Variants in INPP4B observed in about 807,000 individuals in gnomAD.
INPP4B encodes inositol polyphosphate 4-phosphatase type II.
A neutral mutation model predicts 122.5 loss-of-function variants in INPP4B; 55 were observed. The ratio of observed to expected loss-of-function variants is 0.45; its 90% CI spans 0.36 to 0.56. INPP4B has a LOEUF of 0.56. Ranked by LOEUF, INPP4B falls within the 20% of genes least tolerant of loss-of-function variation. The pLI is 0.00. For missense variants in INPP4B, 1,000 were observed against 1,097.7 expected (o/e 0.91, Z 1.26); for synonymous variants, 403 against 388.7 (o/e 1.04, Z -0.43).
chr4:142,076,479 G>A (rs1213981121), intron 25 of INPP4B, among the ~76,000 whole-genome samples: 1 of 151,978 alleles, frequency 6.6e-6, no homozygotes, highest in Admixed American at 6.6e-5. Flanking sequence ...TAATAACCCT[G>A]AGATGAAGGT....
intron 2 of INPP4B, among the ~76,000 whole-genome samples, chr4:142,505,871 C>G (rs1823959339): frequency 6.6e-6 from 1 of 152,070 alleles, no homozygotes; most frequent in Non-Finnish European, 1.5e-5. Flanking sequence ...CTCCTATACC[C>G]AGATATTGTA....
At chr4:142,573,595 C>T (rs1328530491) in intron 2 of INPP4B, among the ~76,000 whole-genome samples, 1 of 152,030 alleles carries the variant, frequency 6.6e-6, no homozygotes, top group Non-Finnish European at 1.5e-5. Context: ...AGCTTCCCAC[C>T]CTCAAATTCC....
chr4:142,114,575 G>A lies in INPP4B; in HGVS notation c.2136-1893C>T, dbSNP rs574487236. 4.6e-5 allele frequency among the ~76,000 whole-genome samples: 7 copies of A among 151,960 alleles called. No homozygotes were observed. The South Asian group carries it at 1.2e-3, about 27-fold the overall frequency. On this transcript the variant is annotated intron_variant, in intron 21 of 25. Coordinates refer to ENST00000262992, the MANE Select transcript of INPP4B (RefSeq NM_001101669.3). ...ATTCATATATCCTATTTGGTGAAACGGCTATTCAAACTTTTTGCCCATATT... is the reference window on the plus strand; with the variant it reads ...ATTCATATATCCTATTTGGTGAAACAGCTATTCAAACTTTTTGCCCATATT...
At chr4:142,068,970 C>T (rs546849618) in intron 25 of INPP4B, among the ~76,000 whole-genome samples, 1 of 152,282 alleles carries the variant, frequency 6.6e-6, no homozygotes, top group East Asian at 1.9e-4. Flanking sequence ...CTCAGCTCTG[C>T]ACCAAGCAGA....
chr4:142,585,904 C>A (rs1736091361), intron 2 of INPP4B, among the ~76,000 whole-genome samples: 1 of 151,120 alleles, frequency 6.6e-6, no homozygotes, highest in Non-Finnish European at 1.5e-5. Flanking sequence ...TACATGTGCA[C>A]AACGGGCAGG....
chr4:142,565,872 C>T (rs1731508112), intron 2 of INPP4B: 2 of 152,068 alleles, frequency 1.3e-5, no homozygotes, highest in South Asian at 2.1e-4. Context: ...GGTATCCTTG[C>T]CAAAAATGCA....
At chr4:142,506,915 G>C (rs921863513) in intron 2 of INPP4B, among the ~76,000 whole-genome samples, 3 of 152,212 alleles carry the variant, frequency 2.0e-5, no homozygotes, top group African/African-American at 7.2e-5. Context: ...TTGGAGGACA[G>C]TGGTTGGAGA....
chr4:142,471,269 G>A (rs1403450539), intron 2 of INPP4B, among the ~76,000 whole-genome samples: 1 of 152,060 alleles, frequency 6.6e-6, no homozygotes, highest in Non-Finnish European at 1.5e-5. Context: ...CACAGTAAGT[G>A]TTCATGTTTC....
intron 8 of INPP4B, among the ~76,000 whole-genome samples, chr4:142,308,047 T>A (rs750329635): frequency 1.3e-5 from 2 of 152,172 alleles, no homozygotes; most frequent in Non-Finnish European, 2.9e-5. Flanking sequence ...AGTCATTGAA[T>A]GTTTCTCCTG....
intron 7 of INPP4B, among the ~76,000 whole-genome samples, chr4:142,367,601 G>A (rs1788037490): frequency 6.6e-6 from 1 of 152,042 alleles, no homozygotes; most frequent in African/African-American, 2.4e-5. Context: ...GTAGCTCTCA[G>A]TGCCAAGACT....
chr4:142,624,493 G>C (rs1485260860), intron 2 of INPP4B, among the ~76,000 whole-genome samples: 1 of 151,316 alleles, frequency 6.6e-6, no homozygotes, highest in Admixed American at 6.6e-5. Context: ...AGTAGGTTGT[G>C]AAAATTTTCT....
At chr4:142,826,944 A>C (rs546185074) in intron 1 of INPP4B, among the ~76,000 whole-genome samples, 3 of 152,200 alleles carry the variant, frequency 2.0e-5, no homozygotes, top group Non-Finnish European at 4.4e-5. Context: ...CTTTGTCCAC[A>C]GGCCTATTGG....
intron 16 of INPP4B, among the ~76,000 whole-genome samples, chr4:142,172,980 C>T (rs760121194): frequency 4.1e-4 from 62 of 151,900 alleles, no homozygotes; most frequent in Non-Finnish European, 8.1e-4. Context: ...TATCACACAG[C>T]GAGCCGCCCT....
chr4:142,516,490 AG>A (rs1825427363), intron 2 of INPP4B, among the ~76,000 whole-genome samples: 6 of 152,174 alleles, frequency 3.9e-5, no homozygotes, highest in African/African-American at 1.2e-4. Flanking sequence ...TGGGACAGAG[AG>A]AGTAAGTCAC....
At chr4:142,841,787 T>A (rs1783526442) in intron 1 of INPP4B, among the ~76,000 whole-genome samples, 1 of 151,974 alleles carries the variant, frequency 6.6e-6, no homozygotes, top group Non-Finnish European at 1.5e-5. Context: ...GAAGATGCTT[T>A]ACATTGATGC....
intron 7 of INPP4B, among the ~76,000 whole-genome samples, chr4:142,333,028 C>CAA (rs1332980597): frequency 8.0e-6 from 1 of 125,042 alleles, no homozygotes. Flanking sequence ...AAAAAAAAAA[C>CAA]AAAAAAAAAA....
At chr4:142,528,370 A>G (rs1324124678) in intron 2 of INPP4B, among the ~76,000 whole-genome samples, 1 of 152,050 alleles carries the variant, frequency 6.6e-6, no homozygotes, top group African/African-American at 2.4e-5. Context: ...ACACACTTCC[A>G]ATCTACTCAT....
chr4:142,242,474 G>A (rs137999505), intron 11 of INPP4B, among the ~76,000 whole-genome samples: 1 of 152,196 alleles, frequency 6.6e-6, no homozygotes, highest in Non-Finnish European at 1.5e-5. Flanking sequence ...TGAGATCTTG[G>A]GTGGTTAGAA....
chr4:142,211,049 C>G (rs575684358), intron 12 of INPP4B, among the ~76,000 whole-genome samples: 1 of 152,116 alleles, frequency 6.6e-6, no homozygotes, highest in Non-Finnish European at 1.5e-5. Context: ...TACTGATGAA[C>G]CTGTTTGTTC....
Sources: allele counts gnomAD v4.1 joint callset (sites outside exome capture counted in the v4.1 genomes callset), GRCh38; gene constraint gnomAD v4.1.1; transcripts MANE v1.5; gene names NCBI Gene and HGNC (gene_info 2026-07-23, HGNC 2026-07-21).